CADPS: variants seen among roughly 807,000 people sequenced by gnomAD.
The protein encoded by CADPS is calcium-dependent secretion activator 1.
In CADPS, 57 loss-of-function variants were observed where a neutral mutation model predicts 167.3. The ratio of observed to expected loss-of-function variants is 0.34; its 90% confidence interval spans 0.28 to 0.42. CADPS has a LOEUF of 0.42. Ranked by LOEUF, CADPS falls within the 20% of genes least tolerant of loss-of-function variation. The pLI is 1.00. For missense variants in CADPS, 1,414 were observed against 1,738.1 expected, an observed-to-expected ratio of 0.81 and a Z score of 3.32; for synonymous variants, 676 against 635.3, an observed-to-expected ratio of 1.06 and a Z score of -0.96.
At chr3:62,658,709 C>A (rs190261313) in intron 4 of CADPS, among the ~76,000 whole-genome samples, 1 of 152,230 alleles carries the variant, frequency 6.6e-6, no homozygotes, top group East Asian at 1.9e-4. Context: ...CACCCACAGC[C>A]CCACTTCTTC....
chr3:62,438,083 G>C lies in CADPS; in HGVS notation c.3777+21C>G. The C allele has an allele frequency of 6.6e-7, 1 of 1,524,272 alleles. No individual in the cohort carries two copies. The highest frequency in any genetic ancestry group is 9.1e-7 in the Non-Finnish European group (1 of 1,100,068). 94.4% of individuals were successfully genotyped at this position (1,524,272 alleles called of 1,614,324 possible). ...GAGGGTCTCCTCCTTGGTTTTCAAG[G>C]AGGAGAAGGCATTTACTTACATCAA... is the stretch of plus-strand genomic sequence containing the variant. On this transcript the variant is annotated intron_variant, in intron 28 of 29. Transcript: ENST00000383710. The surrounding 1 kb of genome is among the most constrained non-coding windows in gnomAD (Gnocchi z 4.7).
chr3:62,484,270 C>A (rs544039763), intron 21 of CADPS, among the ~76,000 whole-genome samples: 3 of 151,896 alleles, frequency 2.0e-5, no homozygotes, highest in African/African-American at 7.3e-5. Context: ...ACTAATATTT[C>A]ATTTGGATAT....
chr3:62,745,209 A>G (rs1345464503), intron 3 of CADPS, among the ~76,000 whole-genome samples: 2 of 152,004 alleles, frequency 1.3e-5, no homozygotes, highest in Non-Finnish European at 2.9e-5. Flanking sequence ...CAGCCTCCCA[A>G]GTGTGAGCTA....
intron 3 of CADPS, among the ~76,000 whole-genome samples, chr3:62,701,873 G>C (rs11712663): frequency 6.6e-6 from 1 of 152,016 alleles, no homozygotes; most frequent in Non-Finnish European, 1.5e-5. Context: ...AAAGGAAAAG[G>C]TTAAGCTGAA....
rs560417969 is a variant in CADPS, at chr3:62,419,171, T to C, written c.3778-15986A>G. ...TGAATTTCTCAGTTCCGACCATTTC[T>C]TTCTTCAAGATACATAAATAATGAG... On this transcript the variant is annotated intron_variant, in intron 28 of 29. Transcript: ENST00000383710. 8.5e-5 allele frequency among the ~76,000 whole-genome samples: 13 copies of C among 152,354 alleles called. No individual in the cohort carries two copies. In the East Asian group the frequency reaches 1.9e-3, roughly 23 times the overall value.
chr3:62,873,617 C>CTTT (rs3047307), intron 1 of CADPS, among the ~76,000 whole-genome samples: 13,172 of 132,176 alleles, frequency 0.1, 830 homozygotes, highest in Middle Eastern at 0.15. Flanking sequence ...AAATAGGCGC[C>CTTT]TTTTTTTTTT....
chr3:62,874,932 A>C lies in CADPS; in HGVS notation c.98T>G (p.Leu33Arg). 2 of 1,499,822 alleles carry C rather than the reference A, an allele frequency of 1.3e-6. No homozygotes were observed. 92.9% of individuals were successfully genotyped at this position (1,499,822 alleles called of 1,614,324 possible). ...VLGSAPSGAR[L>R]SPSRTSEGSA... ...GCCCTCGCTGGTACGGCTGGGAGAC[A>C]GGCGCGCGCCGGACGGGGCCGAGCC... Residue 33 changes from leucine (L) to arginine (R), a missense_variant, in exon 1 of 30, where the codon CTG becomes CGG. Leu to Arg is a moderately radical substitution (Grantham distance 102, BLOSUM62 -2). Around this residue, in one of 6 missense-constraint regions of CADPS, gnomAD observed 522 missense variants for 559.5 expected, o/e 0.93. Coordinates refer to ENST00000383710, the MANE Select transcript of CADPS (RefSeq NM_003716.4). This position sits in a 1 kb window ranked among gnomAD's most constrained non-coding sequence, Gnocchi z 7.1.
In CADPS at chr3:62,438,106, C is replaced by G; in HGVS notation, c.3775G>C (p.Asp1259His). 6.2e-7 allele frequency: 1 copy of G among 1,607,256 alleles called. No individual in the cohort carries two copies. The highest frequency in any genetic ancestry group is 8.5e-7 in the Non-Finnish European group (1 of 1,174,360). Reference sequence around the variant, plus strand: ...AGGAGGAGAAGGCATTTACTTACATCAAATAACCTTTCTATGTACATCTCC... The same window carrying G: ...AGGAGGAGAAGGCATTTACTTACATGAAATAACCTTTCTATGTACATCTCC... ...NEEMYIERLF[D>H]QWYNSSMNVI... The change falls in exon 28 of 30, where the codon GAT becomes CAT. Residue 1259 changes from aspartate to histidine, a missense_variant and splice_region_variant. Physicochemically the swap from Asp to His is moderately conservative, Grantham distance 81. Coordinates refer to ENST00000383710, the MANE Select transcript of CADPS (RefSeq NM_003716.4). This position sits in a 1 kb window ranked among gnomAD's most constrained non-coding sequence, Gnocchi z 4.7.
Position 62,478,143 on chromosome 3 carries a change from A to G in CADPS, c.3329+118T>C. On this transcript the variant is annotated intron_variant, in intron 23 of 29. Transcript: ENST00000383710. This position sits in a 1 kb window ranked among gnomAD's most constrained non-coding sequence, Gnocchi z 5.7. ...CTACTCCAGCTGACTTTGACAAGCA[A>G]TCCCCTTCTCCAATTAGTTTCAAAC... 8.8e-7 allele frequency: 1 copy of G among 1,142,726 alleles called. No homozygotes were observed. 70.8% of individuals were successfully genotyped at this position (1,142,726 alleles called of 1,614,324 possible).
At chr3:62,586,554 T>C (rs552302212) in intron 7 of CADPS, among the ~76,000 whole-genome samples, 3 of 152,340 alleles carry the variant, frequency 2.0e-5, no homozygotes, top group African/African-American at 7.2e-5. Flanking sequence ...TATGCCGATT[T>C]CTCAGCCCTT....
intron 1 of CADPS, among the ~76,000 whole-genome samples, chr3:62,794,706 G>A (rs570022877): frequency 5.3e-5 from 8 of 150,118 alleles, no homozygotes; most frequent in African/African-American, 2.0e-4. Context: ...CTAAGGATGG[G>A]AGGGCCCCGC....
At chr3:62,766,448 T>C (rs1193365139) in intron 1 of CADPS, among the ~76,000 whole-genome samples, 2 of 152,160 alleles carry the variant, frequency 1.3e-5, no homozygotes, top group African/African-American at 4.8e-5. Flanking sequence ...CAGTTTTTTT[T>C]TCCCCTCCTG....
intron 4 of CADPS, among the ~76,000 whole-genome samples, chr3:62,661,851 G>A (rs113072733): frequency 7.6e-4 from 115 of 152,260 alleles, no homozygotes; most frequent in African/African-American, 2.5e-3. Flanking sequence ...CAGGGTGGCT[G>A]ACTGAGTGTG....
chr3:62,516,455 T>C (rs1413446616), intron 15 of CADPS, 125 bp downstream of exon 15: 1 of 810,880 alleles, frequency 1.2e-6, no homozygotes. Flanking sequence ...TCTATTCTGA[T>C]ATTTGATGAA....
chr3:62,599,861 A>T (rs1409928553), intron 6 of CADPS, among the ~76,000 whole-genome samples: 1 of 53,776 alleles, frequency 1.9e-5, no homozygotes, highest in Non-Finnish European at 3.2e-5. Flanking sequence ...TAATATATAT[A>T]ATATATAATA....
At chr3:62,637,182 T>A (rs1393229715) in intron 6 of CADPS, among the ~76,000 whole-genome samples, 1 of 152,098 alleles carries the variant, frequency 6.6e-6, no homozygotes, top group Non-Finnish European at 1.5e-5. Context: ...ATGGGGCAGT[T>A]GTGTCTTGTC....
chr3:62,653,349 G>C (rs1454373306), intron 4 of CADPS, among the ~76,000 whole-genome samples: 1 of 152,096 alleles, frequency 6.6e-6, no homozygotes, highest in Non-Finnish European at 1.5e-5. Flanking sequence ...CTGGTAAAAA[G>C]ACAGCTGCCT....
intron 6 of CADPS, among the ~76,000 whole-genome samples, chr3:62,640,885 T>C (rs974560610): frequency 1.3e-5 from 2 of 152,168 alleles, no homozygotes; most frequent in Non-Finnish European, 2.9e-5. Flanking sequence ...TACCAATAAA[T>C]ATAATTTTGG....
rs771722937 is a variant in CADPS, at chr3:62,753,392, T to C, written c.888+49A>G. 2.2e-6 allele frequency: 3 copies of C among 1,342,372 alleles called. No homozygotes were observed. In the Admixed American group the frequency reaches 6.2e-5, roughly 28 times the overall value. The allele number at this position is 1,342,372 out of a possible 1,614,324, so 83.2% of individuals were successfully genotyped here. A position where few individuals can be genotyped will look rare whatever the true frequency, so the allele number is the denominator to read the frequency against. ...AAGAAGTATCTCATAGAAGTTGGAA[T>C]GCAGCTCTGCTTACCCACAGCTCTA... On this transcript the variant is annotated intron_variant, in intron 3 of 29. Transcript: ENST00000383710. This position sits in a 1 kb window ranked among gnomAD's most constrained non-coding sequence, Gnocchi z 4.6.
Sources: gnomAD v4.1 joint callset for allele counts (sites outside exome capture counted in the v4.1 genomes callset) on GRCh38, gnomAD v4.1.1 for gene constraint, gnomAD v4.1.1 regional missense constraint, Gnocchi (gnomAD v3.1) non-coding constraint, MANE v1.5 for transcripts, NCBI Gene and HGNC (gene_info 2026-07-23, HGNC 2026-07-21) for gene names.